The following COL21A1 variants were observed in gnomAD, a reference collection of about 807,000 sequenced individuals.
The protein encoded by COL21A1 is collagen alpha-1(XXI) chain.
A neutral mutation model predicts 137.9 loss-of-function variants in COL21A1; 149 were observed. The observed-to-expected ratio is 1.08, with a 90% CI of 0.95 to 1.24. The LOEUF (loss-of-function observed/expected upper bound fraction) is 1.24. Among genes scored for constraint, COL21A1 ranks in the 50% most tolerant of loss-of-function variants. COL21A1 has a pLI of 0.00. For synonymous variants in COL21A1, 456 were observed against 391.5 expected, an observed-to-expected ratio of 1.16 and a Z score of -1.95; for missense variants, 1,167 against 1,158.4, an observed-to-expected ratio of 1.01 and a Z score of -0.11.
rs13215901 is a variant in COL21A1 at position 56,367,210 on chromosome 6, T to C, written c.-39+26761A>G. Among the ~76,000 whole-genome samples, 1,470 of 152,326 alleles carry C rather than the reference T, an allele frequency of 9.7e-3. 23 individuals are homozygous for C. The highest frequency in any genetic ancestry group is 0.024 in the Admixed American group (368 of 15,296). On this transcript the variant is annotated intron_variant, in intron 1 of 28. Coordinates refer to the COL21A1 transcript ENST00000370819. The stretch of plus-strand genomic sequence containing the variant: ...ATATATAATATATGGGAAATCACTT[T>C]CAAATGCTGATTGTTGTTTACACAA...
intron 16 of COL21A1, among the ~76,000 whole-genome samples, chr6:56,114,293 G>C (rs1771707716): frequency 1.3e-5 from 2 of 152,192 alleles, no homozygotes; most frequent in Admixed American, 6.5e-5. Context: ...ATCTGACCCA[G>C]AGCATAGTGG....
At chr6:56,233,634 T>G (rs1193839568) in intron 1 of COL21A1, among the ~76,000 whole-genome samples, 1 of 151,206 alleles carries the variant, frequency 6.6e-6, no homozygotes, top group South Asian at 2.1e-4. Flanking sequence ...AAAAGAGACA[T>G]ATGGAGAAAT....
chr6:56,105,576 A>G (rs1251444746), intron 16 of COL21A1, among the ~76,000 whole-genome samples: 1 of 152,142 alleles, frequency 6.6e-6, no homozygotes, highest in Non-Finnish European at 1.5e-5. Flanking sequence ...ATTTTCTATA[A>G]CTAGGAGAGA....
At chr6:56,330,757 G>A (rs958430814) in intron 1 of COL21A1, among the ~76,000 whole-genome samples, 2 of 152,088 alleles carry the variant, frequency 1.3e-5, no homozygotes, top group African/African-American at 4.8e-5. Context: ...GAGCTGTGAT[G>A]AACATGTGAG....
intron 1 of COL21A1, among the ~76,000 whole-genome samples, chr6:56,242,906 TGGATTGTGCGTC>T (rs1165074586): frequency 6.6e-6 from 1 of 152,190 alleles, no homozygotes; most frequent in Non-Finnish European, 1.5e-5. Flanking sequence ...TTCTGTAAGT[TGGATTGTGCGTC>T]TCTTTGTCAA....
intron 16 of COL21A1, among the ~76,000 whole-genome samples, chr6:56,120,799 TAA>T (rs34706290): frequency 2.2e-3 from 298 of 136,300 alleles, no homozygotes; most frequent in Middle Eastern, 0.011. Flanking sequence ...TGTCTCAATT[TAA>T]AAAAAAAAAA....
At chr6:56,288,558 C>G (rs975334178) in intron 1 of COL21A1, among the ~76,000 whole-genome samples, 1 of 152,196 alleles carries the variant, frequency 6.6e-6, no homozygotes, top group Admixed American at 6.5e-5. Flanking sequence ...CTACACTTAC[C>G]TCCTAAGGGC....
chr6:56,153,494 A>C (rs74618905), intron 10 of COL21A1, among the ~76,000 whole-genome samples: 4,613 of 151,696 alleles, frequency 0.03, 173 homozygotes, highest in African/African-American at 0.084. Context: ...AAAAACCCTG[A>C]CTTTAAAACA....
chr6:56,151,276 A>G (rs1775304744), intron 10 of COL21A1, among the ~76,000 whole-genome samples: 1 of 152,166 alleles, frequency 6.6e-6, no homozygotes, highest in Non-Finnish European at 1.5e-5. Context: ...GATAACAGAA[A>G]CCAGAAATGA....
chr6:56,310,806 T>C (rs888599952), intron 1 of COL21A1, among the ~76,000 whole-genome samples: 4 of 139,168 alleles, frequency 2.9e-5, no homozygotes, highest in Non-Finnish European at 6.7e-5. Flanking sequence ...GATATGAATA[T>C]CCATAATATT....
At chr6:56,328,411 C>T (rs1765147100) in intron 1 of COL21A1, among the ~76,000 whole-genome samples, 1 of 152,016 alleles carries the variant, frequency 6.6e-6, no homozygotes, top group African/African-American at 2.4e-5. Flanking sequence ...GACATACTTC[C>T]CCATCACACT....
At position 56,177,411 on chromosome 6, in the gene COL21A1, G is replaced by A. The variant is rs766600439; in HGVS notation, c.640+2167C>T. Among the ~76,000 whole-genome samples the A allele has an allele frequency of 8.0e-4, 121 of 152,152 alleles. 2 individuals are homozygous for A. The highest frequency in any genetic ancestry group is 2.2e-4 in the Non-Finnish European group (15 of 68,004). On this transcript the variant is annotated intron_variant, in intron 3 of 29. Coordinates refer to ENST00000244728, the MANE Select transcript of COL21A1 (RefSeq NM_030820.4). ...GAAAAAGCATGTGAATTTATCAAAT[G>A]ATTCAAATACAGATTACATGGTTTG... is the stretch of plus-strand genomic sequence containing the variant.
intron 1 of COL21A1, among the ~76,000 whole-genome samples, chr6:56,349,541 G>A (rs557056737): frequency 6.6e-6 from 1 of 152,284 alleles, no homozygotes; most frequent in East Asian, 1.9e-4. Flanking sequence ...ATCTCTACAT[G>A]TTTAAATTCA....
chr6:56,226,095 C>T (rs551741234), intron 1 of COL21A1, among the ~76,000 whole-genome samples: 11 of 152,106 alleles, frequency 7.2e-5, no homozygotes, highest in Admixed American at 7.2e-4. Flanking sequence ...TTTAAAGAAT[C>T]CAAATATCTT....
intron 1 of COL21A1, among the ~76,000 whole-genome samples, chr6:56,265,003 GAGGTTCCTACA>G (rs1275468708): frequency 3.9e-5 from 6 of 152,200 alleles, no homozygotes; most frequent in African/African-American, 1.2e-4. Context: ...TAAGAAAGTA[GAGGTTCCTACA>G]AGGAGATACC....
At chr6:56,100,508 T>C (rs2152164690) in intron 17 of COL21A1, among the ~76,000 whole-genome samples, 1 of 152,318 alleles carries the variant, frequency 6.6e-6, no homozygotes, top group East Asian at 1.9e-4. Flanking sequence ...AAGCTCATAC[T>C]GCTGAAATGT....
chr6:56,095,608 C>T (rs1377465871), intron 17 of COL21A1, among the ~76,000 whole-genome samples: 2 of 152,144 alleles, frequency 1.3e-5, no homozygotes, highest in East Asian at 1.9e-4. Flanking sequence ...CTGTCACTTC[C>T]CTTTCATGTA....
At chr6:56,086,284 T>C (rs1768236394) in intron 17 of COL21A1, among the ~76,000 whole-genome samples, 1 of 151,694 alleles carries the variant, frequency 6.6e-6, no homozygotes, top group South Asian at 2.1e-4. Flanking sequence ...AGTTGACCCT[T>C]GAACTACACA....
intron 10 of COL21A1, among the ~76,000 whole-genome samples, chr6:56,146,740 G>C (rs1321935204): frequency 6.6e-6 from 1 of 152,148 alleles, no homozygotes; most frequent in Non-Finnish European, 1.5e-5. Flanking sequence ...GCAGAAGCAA[G>C]CTGAAAAACA....
Sources: gnomAD v4.1 joint callset for allele counts (sites outside exome capture counted in the v4.1 genomes callset) on GRCh38, gnomAD v4.1.1 for gene constraint, MANE v1.5 for transcripts, NCBI Gene and HGNC (gene_info 2026-07-23, HGNC 2026-07-21) for gene names.